The following PLEKHA5 variants were observed in gnomAD, a reference collection of about 807,000 sequenced individuals.
PLEKHA5 encodes the protein pleckstrin homology domain containing A5.
PLEKHA5 carries 55 observed loss-of-function variants against 181.9 expected under a neutral mutation model. That is an observed-to-expected ratio of 0.30 (90% CI 0.24 to 0.38). The LOEUF (loss-of-function observed/expected upper bound fraction) is 0.38, where lower values mean the gene tolerates loss of function less well. PLEKHA5 is among the 10% of genes least tolerant of loss of function. PLEKHA5 has a pLI of 1.00. For missense variants in PLEKHA5, 1,432 were observed against 1,549.5 expected, an observed-to-expected ratio of 0.92 and a Z score of 1.27; for synonymous variants, 535 against 529.4, an observed-to-expected ratio of 1.01 and a Z score of -0.15.
At chr12:19,132,773 CTTTTTTT>C (rs59992820) in intron 3 of PLEKHA5, among the ~76,000 whole-genome samples, 1 of 112,124 alleles carries the variant, frequency 8.9e-6, no homozygotes, top group Non-Finnish European at 1.7e-5. Flanking sequence ...CCACAATTAC[CTTTTTTT>C]TTTTTTTTTT....
intron 3 of PLEKHA5, among the ~76,000 whole-genome samples, chr12:19,170,032 T>C (rs2045531240): frequency 6.6e-6 from 1 of 152,214 alleles, no homozygotes; most frequent in Admixed American, 6.5e-5. Context: ...TTGTTAATTA[T>C]GTGTAGTCTA....
chr12:19,333,056 G>A (rs1323809303), intron 20 of PLEKHA5, among the ~76,000 whole-genome samples: 1 of 152,108 alleles, frequency 6.6e-6, no homozygotes, highest in South Asian at 2.1e-4. Context: ...CCATTCAGGC[G>A]GGCAGATCAC....
intron 3 of PLEKHA5, among the ~76,000 whole-genome samples, chr12:19,192,740 T>TA (rs2051489083): frequency 6.6e-6 from 1 of 152,272 alleles, no homozygotes; most frequent in Admixed American, 6.5e-5. Flanking sequence ...TTATTCTTAC[T>TA]AAAATTAGTA....
chr12:19,278,236 A>G (rs1253109307), intron 11 of PLEKHA5, among the ~76,000 whole-genome samples: 2 of 152,212 alleles, frequency 1.3e-5, no homozygotes, highest in Non-Finnish European at 2.9e-5. Flanking sequence ...TACTAAAAAT[A>G]TATATATCCT....
At position 19,348,510 on chromosome 12, in the gene PLEKHA5, G is replaced by T; in HGVS notation, c.3010G>T (p.Val1004Phe). ...ACCTGTTTCAGAGATAGAAACTTCAGTTGTTAAAGGTCAGCATTTGTAATA... is the reference window on the plus strand; with the variant it reads ...ACCTGTTTCAGAGATAGAAACTTCATTTGTTAAAGGTCAGCATTTGTAATA... ...SEPVSEIETS[V>F]VKGSHFPVGV... The change falls in exon 25 of 32, where the codon GTT (valine) becomes TTT (phenylalanine). Residue 1004 changes from valine (V) to phenylalanine (F), a missense_variant. Around this residue, in one of 2 missense-constraint regions of PLEKHA5, gnomAD observed 1,143 missense variants for 1,168.4 expected, o/e 0.98. Coordinates refer to ENST00000429027, the MANE Select transcript of PLEKHA5 (RefSeq NM_001256470.2). 6.4e-7 allele frequency: 1 copy of T among 1,569,178 alleles called. No homozygotes were observed.
chr12:19,303,303 T>G lies in PLEKHA5; in HGVS notation c.2038-11511T>G, dbSNP rs537501575. 3.9e-5 allele frequency among the ~76,000 whole-genome samples: 6 copies of G among 152,272 alleles called. No individual in the cohort carries two copies. In the South Asian group the frequency reaches 1.0e-3, roughly 26 times the overall value. ...ATGGAGAATTAATTTTTTCTAAGGA[T>G]GAATTATATGAATGACCATCTTGGC... On this transcript the variant is annotated intron_variant, in intron 15 of 31. Transcript: ENST00000429027.
chr12:19,151,201 AG>A (rs957752230), intron 3 of PLEKHA5: 1 of 152,224 alleles, frequency 6.6e-6, no homozygotes, highest in Non-Finnish European at 1.5e-5. Context: ...TTAACAGCCA[AG>A]GTACTGAGGT....
intron 3 of PLEKHA5, among the ~76,000 whole-genome samples, chr12:19,229,459 C>T (rs1380842457): frequency 3.3e-5 from 5 of 151,866 alleles, no homozygotes; most frequent in Admixed American, 2.6e-4. Context: ...TGCAGACCTT[C>T]GCGGTGAGTG....
chr12:19,314,794 C>G lies in PLEKHA5; in HGVS notation c.2038-20C>G. ...GCTGTAAACTGATGTTTGCTGTATG[C>G]TCCTCCTGATTTGAAATAGATGAAA... On this transcript the variant is annotated intron_variant, in intron 15 of 31. Transcript: ENST00000429027. 7.3e-7 allele frequency: 1 copy of G among 1,361,336 alleles called. No individual in the cohort carries two copies. 84.3% of individuals were successfully genotyped at this position (1,361,336 alleles called of 1,614,324 possible).
chr12:19,268,869 G>T (rs371954661), intron 8 of PLEKHA5, among the ~76,000 whole-genome samples: 251 of 152,156 alleles, frequency 1.6e-3, no homozygotes, highest in Middle Eastern at 3.4e-3. Flanking sequence ...CATTTGAGTA[G>T]TTTATTAAGG....
At chr12:19,299,436 CTTTAGTCAGCAAATCA>C (rs894409391) in intron 15 of PLEKHA5, among the ~76,000 whole-genome samples, 1 of 152,184 alleles carries the variant, frequency 6.6e-6, no homozygotes. Context: ...TCTCCTGAAT[CTTTAGTCAGCAAATCA>C]TTTAGTCAGC....
chr12:19,297,987 C>T (rs1237569234), intron 15 of PLEKHA5, among the ~76,000 whole-genome samples: 1 of 151,930 alleles, frequency 6.6e-6, no homozygotes, highest in African/African-American at 2.4e-5. Context: ...GGGTGGATCA[C>T]CTGAGGTCAG....
intron 3 of PLEKHA5, among the ~76,000 whole-genome samples, chr12:19,182,844 A>G (rs779269468): frequency 2.5e-4 from 38 of 152,220 alleles, no homozygotes; most frequent in South Asian, 2.1e-4. Context: ...TTCTAAGGTT[A>G]TGTGTAATGT....
chr12:19,141,874 A>G (rs151291360), intron 3 of PLEKHA5, among the ~76,000 whole-genome samples: 83 of 152,330 alleles, frequency 5.4e-4, no homozygotes, highest in Admixed American at 1.8e-3. Flanking sequence ...AAACAGTGTC[A>G]GTGCTTGAGT....
At chr12:19,196,508 A>G (rs963507507) in intron 3 of PLEKHA5, among the ~76,000 whole-genome samples, 2 of 152,144 alleles carry the variant, frequency 1.3e-5, no homozygotes, top group African/African-American at 4.8e-5. Context: ...AAGAAAACCT[A>G]CCCCTATGTG....
At chr12:19,147,771 T>C (rs2039315894) in intron 3 of PLEKHA5, among the ~76,000 whole-genome samples, 1 of 152,206 alleles carries the variant, frequency 6.6e-6, no homozygotes, top group Non-Finnish European at 1.5e-5. Flanking sequence ...GGTCTCACTC[T>C]GTTGCCCAAG....
intron 22 of PLEKHA5, among the ~76,000 whole-genome samples, chr12:19,344,020 C>G (rs941683796): frequency 6.6e-6 from 1 of 150,896 alleles, no homozygotes; most frequent in South Asian, 2.1e-4. Context: ...CCAGTGTGCT[C>G]CAGCATGGGC....
chr12:19,327,247 G>GTTT (rs55983306), intron 20 of PLEKHA5, among the ~76,000 whole-genome samples: 15 of 138,548 alleles, frequency 1.1e-4, no homozygotes, highest in South Asian at 2.2e-4. Flanking sequence ...ATCTGTTTTT[G>GTTT]TTTTTTTTTT....
intron 3 of PLEKHA5, among the ~76,000 whole-genome samples, chr12:19,239,813 A>T (rs1022811722): frequency 3.9e-5 from 6 of 152,140 alleles, no homozygotes; most frequent in Admixed American, 1.3e-4. Flanking sequence ...CACTTCCGTG[A>T]TGCCTTCTCT....
Sources: allele counts gnomAD v4.1 joint callset (sites outside exome capture counted in the v4.1 genomes callset), GRCh38; gene constraint gnomAD v4.1.1; regional missense constraint gnomAD v4.1.1; transcripts MANE v1.5; gene names NCBI Gene and HGNC (gene_info 2026-07-23, HGNC 2026-07-21).